EFEMP2: variants seen among roughly 807,000 people sequenced by gnomAD.
EFEMP2 encodes the protein EGF-containing fibulin-like extracellular matrix protein 2.
In EFEMP2, 21 loss-of-function variants were observed where a neutral mutation model predicts 55.3. That is an observed-to-expected ratio of 0.38 (90% CI 0.27 to 0.55). The LOEUF (loss-of-function observed/expected upper bound fraction) is 0.55, where lower values mean the gene tolerates loss of function less well. Ranked by LOEUF, EFEMP2 falls within the 20% of genes least tolerant of loss-of-function variation. The probability of loss-of-function intolerance (pLI) is 0.77; values close to 1 mark genes in which losing one functional copy is unlikely to be tolerated. For synonymous variants in EFEMP2, 275 were observed against 242.3 expected (o/e 1.14, Z -1.25); for missense variants, 513 against 615.1 (o/e 0.83, Z 1.76).
chr11:65,872,171 G>A, intron 2 of EFEMP2, 73 bp downstream of exon 2: 2 of 1,498,770 alleles, frequency 1.3e-6, no homozygotes, highest in Non-Finnish European at 1.8e-6. Flanking sequence ...TTCCCCGGCA[G>A]CAGTCACCCT....
rs1267251570 is a variant in EFEMP2 at position 65,866,594 on chromosome 11, A to G, written c.*324T>C. 1 of 702,830 alleles carries G rather than the reference A, an allele frequency of 1.4e-6. No individual in the cohort carries two copies. Among genetic ancestry groups the G allele is most frequent in the Non-Finnish European group, 2.6e-6 (1 of 384,976 alleles). 43.5% of individuals were successfully genotyped at this position (702,830 alleles called of 1,614,324 possible). On this transcript the variant is annotated 3_prime_UTR_variant, in exon 11 of 11. Transcript: ENST00000307998. ...TTCTTAGGACCCCTGCAAGCCAGCC[A>G]AGTCCAAATCTCTGGGCCGGGGCCT... is the stretch of plus-strand genomic sequence containing the variant.
intron 10 of EFEMP2, 166 bp downstream of exon 10, chr11:65,867,695 T>C (rs768697602): frequency 6.8e-6 from 5 of 730,678 alleles, no homozygotes; most frequent in African/African-American, 3.5e-5. Context: ...ATTTAACCGT[T>C]AGAATTGCAT....
chr11:65,872,452 C>G, intron 1 of EFEMP2, 91 bp from the exon 2 acceptor site: 1 of 883,420 alleles, frequency 1.1e-6, no homozygotes, highest in Non-Finnish European at 1.8e-6. Context: ...CGCCACTGCC[C>G]GCTCAGGACC....
At chr11:65,869,804 A>C in intron 7 of EFEMP2, 53 bp downstream of exon 7, 1 of 1,611,378 alleles carries the variant, frequency 6.2e-7, no homozygotes, top group Non-Finnish European at 8.5e-7. Flanking sequence ...GGCACGGCAT[A>C]GCTAGGGCCT....
At chr11:65,872,498 C>A (rs1364389857) in intron 1 of EFEMP2, 137 bp from the exon 2 acceptor site, 1 of 614,150 alleles carries the variant, frequency 1.6e-6, no homozygotes, top group Non-Finnish European at 2.9e-6. Flanking sequence ...GGCTGGGGGC[C>A]GACTCCTCAC....
chr11:65,866,869 A>G lies in EFEMP2; in HGVS notation c.*49T>C, dbSNP rs570619088. The G allele has an allele frequency of 7.5e-6, 12 of 1,609,370 alleles. No homozygotes were observed. The East Asian group carries it at 2.2e-4, about 30-fold the overall frequency. On this transcript the variant is annotated 3_prime_UTR_variant, in exon 11 of 11. Coordinates refer to ENST00000307998, the MANE Select transcript of EFEMP2 (RefSeq NM_016938.5). ...CCTTTCTCATTCTGCCCCTCACAAC[A>G]GGCTCCTCAGCTAGGGTAGCTGCAG...
chr11:65,869,757 G>C, intron 7 of EFEMP2, 100 bp downstream of exon 7: 1 of 1,567,754 alleles, frequency 6.4e-7, no homozygotes, highest in Non-Finnish European at 8.7e-7. Flanking sequence ...ACAGTGACAG[G>C]AGGCGGAGGC....
chr11:65,869,499 C>A, intron 7 of EFEMP2: 1 of 358,036 alleles, frequency 2.8e-6, no homozygotes, highest in Admixed American at 3.8e-5. Flanking sequence ...ACACTCTCAC[C>A]TAATCCTCAA....
chr11:65,868,582 T>C lies in EFEMP2; in HGVS notation c.775A>G (p.Ile259Val), dbSNP rs601314. ...CAGGAGAAACGGCCTGGCTCGTTGATGCAGCGGTACTGACAGAGGTAGCTG... is the reference window on the plus strand; with the variant it reads ...CAGGAGAAACGGCCTGGCTCGTTGACGCAGCGGTACTGACAGAGGTAGCTG... ...YSSYLCQYRC[I>V]NEPGRFSCHC... Residue 259 changes from isoleucine (I) to valine (V), a missense_variant, in exon 8 of 11, where the codon ATC becomes GTC. By Grantham distance (29) the Ile-to-Val change is conservative (BLOSUM62 3). Transcript: ENST00000307998. 1,583,882 of 1,613,852 alleles carry C rather than the reference T, an allele frequency of 0.98. 781,211 individuals are homozygous for C. Among genetic ancestry groups the C allele is most frequent in the East Asian group, 1 (44,878 of 44,880 alleles).
intron 7 of EFEMP2, chr11:65,869,340 G>C (rs566180997): frequency 1.0e-5 from 2 of 195,414 alleles, no homozygotes; most frequent in African/African-American, 4.7e-5. Context: ...TCATTTTGTA[G>C]AGGAAGGAGA....
rs141835200 is a variant in EFEMP2 at position 65,871,310 on chromosome 11, T to C, written c.214A>G (p.Ile72Val). ...PEACKGEMKC[I>V]NHYGGYLCLP... ...CACAAGTAGCCCCCGTAGTGGTTGA[T>C]GCACTTCATTTCCCCCTTGCAGGCC... Residue 72 changes from isoleucine (I) to valine (V), a missense_variant, in exon 4 of 11, where the codon ATC becomes GTC. Physicochemically the swap from Ile to Val is conservative, Grantham distance 29 (BLOSUM62 3). Coordinates refer to ENST00000307998, the MANE Select transcript of EFEMP2 (RefSeq NM_016938.5). 7 of 1,614,156 alleles carry C rather than the reference T, an allele frequency of 4.3e-6. No individual in the cohort carries two copies. Among genetic ancestry groups the C allele is most frequent in the Non-Finnish European group, 5.9e-6 (7 of 1,180,002 alleles).
At chr11:65,872,152 G>A (rs978102828) in intron 2 of EFEMP2, 92 bp downstream of exon 2, 1 of 1,496,118 alleles carries the variant, frequency 6.7e-7, no homozygotes. Context: ...CCAGCCAGGG[G>A]AGGAAGACTT....
At chr11:65,870,895 C>T (rs1177399984) in intron 4 of EFEMP2, 9 of 710,444 alleles carry the variant, frequency 1.3e-5, no homozygotes, top group Non-Finnish European at 2.2e-5. Context: ...TCCTCCAAGG[C>T]CTGTGGCTCC....
rs1257864080 is a variant in EFEMP2 at position 65,867,895 on chromosome 11, C to T, written c.1136G>A (p.Arg379His). Residue 379 changes from arginine to histidine, a missense_variant, in exon 10 of 11, where the codon CGT (arginine) becomes CAT (histidine). Transcript: ENST00000307998. ...AAAGTCCCCCTGCGAGTTTCCAGCA[C>T]GGATCTGAAAGGCATTGTAGGCACC... ...YPGAYNAFQI[R>H]AGNSQGDFYI... 4 of 1,614,120 alleles carry T rather than the reference C, an allele frequency of 2.5e-6. No homozygotes were observed. The highest frequency in any genetic ancestry group is 1.1e-5 in the South Asian group (1 of 91,086).
rs193302868 is a variant in EFEMP2 at position 65,867,061 on chromosome 11, C to T, written c.1189G>A (p.Ala397Thr). ...ACCGGCCGGGCGAGGACCAGCATGG[C>T]GCTGACGTTGTTGATTTGCTGCAGG... ...FYIRQINNVS[A>T]MLVLARPVTG... The change falls in exon 11 of 11, where the codon GCC becomes ACC. Residue 397 changes from alanine to threonine, a missense_variant. By Grantham distance (58) the Ala-to-Thr change is moderately conservative. Coordinates refer to ENST00000307998, the MANE Select transcript of EFEMP2 (RefSeq NM_016938.5). 1.9e-6 allele frequency: 3 copies of T among 1,614,144 alleles called. No homozygotes were observed. The highest frequency in any genetic ancestry group is 2.5e-6 in the Non-Finnish European group (3 of 1,180,040).
chr11:65,872,527 C>T (rs1414718598), intron 1 of EFEMP2, 156 bp downstream of exon 1: 4 of 534,816 alleles, frequency 7.5e-6, no homozygotes, highest in Non-Finnish European at 1.3e-5. Context: ...GTCCCAGGCC[C>T]GGGTCCCAGG....
In EFEMP2 at chr11:65,872,275, G is replaced by A. The variant is rs770178569; in HGVS notation, c.80C>T (p.Pro27Leu). 1.8e-5 allele frequency: 28 copies of A among 1,551,548 alleles called. No homozygotes were observed. The highest frequency in any genetic ancestry group is 2.4e-5 in the Non-Finnish European group (27 of 1,146,992). ...LLLLLLGSAS[P>L]QDSEEPDSYT... is the part of the protein sequence containing the mutation. ...GCTGTCGGGCTCTTCAGAATCCTGAGGAGAAGCTGATCCCAAGAGCAACAG... is the reference window on the plus strand; with the variant it reads ...GCTGTCGGGCTCTTCAGAATCCTGAAGAGAAGCTGATCCCAAGAGCAACAG... The change falls in exon 2 of 11, where the codon CCT becomes CTT. Residue 27 changes from proline (P) to leucine (L), a missense_variant. Pro to Leu is a moderately conservative substitution (Grantham distance 98). Coordinates refer to ENST00000307998, the MANE Select transcript of EFEMP2 (RefSeq NM_016938.5).
At chr11:65,871,730 A>G (rs1859968293) in intron 3 of EFEMP2, 8 of 610,996 alleles carry the variant, frequency 1.3e-5, no homozygotes, top group Admixed American at 5.6e-5. Context: ...GAAGGCGTAC[A>G]GGATCCAGCT....
In EFEMP2 at chr11:65,867,023, C is replaced by T; in HGVS notation, c.1227G>A (p.Arg409=). ...CCATCTCCAGGTCCAGCACGTACTCCCGGGGGCCCGTCACCGGCCGGGCGA... is the reference window on the plus strand; with the variant it reads ...CCATCTCCAGGTCCAGCACGTACTCTCGGGGGCCCGTCACCGGCCGGGCGA... The part of the protein sequence containing the change: ...LVLARPVTGP[R]EYVLDLEMVT... Residue 409 remains arginine, a synonymous_variant, in exon 11 of 11, where the codon CGG becomes CGA. Transcript: ENST00000307998. 1 of 1,614,184 alleles carries T rather than the reference C, an allele frequency of 6.2e-7. No individual in the cohort carries two copies. The highest frequency in any genetic ancestry group is 8.5e-7 in the Non-Finnish European group (1 of 1,180,026).
Sources: allele counts gnomAD v4.1 joint callset, GRCh38; gene constraint gnomAD v4.1.1; transcripts MANE v1.5; gene names NCBI Gene and HGNC (gene_info 2026-07-23, HGNC 2026-07-21).